Variants in DCC observed in about 807,000 individuals in gnomAD.
The protein encoded by DCC is DCC netrin 1 receptor.
In DCC, 58 loss-of-function variants were observed where a neutral mutation model predicts 172.5. The ratio of observed to expected loss-of-function variants is 0.34; its 90% CI spans 0.27 to 0.42. DCC has a LOEUF of 0.42. Among genes scored for constraint, DCC ranks in the 10% least tolerant of loss-of-function variants. DCC has a pLI of 1.00. For synonymous variants in DCC, 709 were observed against 644.5 expected (o/e 1.10, Z -1.52); for missense variants, 1,740 against 1,791.0 (o/e 0.97, Z 0.51).
intron 1 of DCC, among the ~76,000 whole-genome samples, chr18:52,637,196 G>A (rs544887916): frequency 2.6e-5 from 4 of 152,244 alleles, no homozygotes; most frequent in African/African-American, 9.6e-5. Flanking sequence ...CCTTCCCTCT[G>A]ACAGAGCATA....
intron 2 of DCC, among the ~76,000 whole-genome samples, chr18:52,782,690 T>C (rs533879549): frequency 6.6e-6 from 1 of 152,142 alleles, no homozygotes; most frequent in South Asian, 2.1e-4. Flanking sequence ...TGTGACTGGC[T>C]GAACCTGGAT....
At chr18:52,804,340 A>G (rs924602761) in intron 2 of DCC, among the ~76,000 whole-genome samples, 1 of 152,192 alleles carries the variant, frequency 6.6e-6, no homozygotes, top group Non-Finnish European at 1.5e-5. Context: ...TGTAAATAAC[A>G]GAAAAGGTCC....
At chr18:52,600,696 T>C (rs2144816080) in intron 1 of DCC, among the ~76,000 whole-genome samples, 1 of 148,248 alleles carries the variant, frequency 6.7e-6, no homozygotes, top group South Asian at 2.2e-4. Flanking sequence ...TTTGTAATTT[T>C]CTCCTTAAAA....
At chr18:52,666,655 C>T (rs898174894) in intron 1 of DCC, among the ~76,000 whole-genome samples, 1 of 152,036 alleles carries the variant, frequency 6.6e-6, no homozygotes, top group African/African-American at 2.4e-5. Flanking sequence ...AGTACTTTGG[C>T]TCAATTCAGA....
chr18:53,103,151 G>A lies in DCC; in HGVS notation c.1261+36985G>A, dbSNP rs746295738. 5.9e-5 allele frequency among the ~76,000 whole-genome samples: 9 copies of A among 151,970 alleles called. No homozygotes were observed. In the East Asian group the frequency reaches 1.2e-3, roughly 20 times the overall value. ...AGGATATATCACCATGCAAAATTCCGTGGTATACAAAAACTCAAGAATCAT... is the reference window on the plus strand; with the variant it reads ...AGGATATATCACCATGCAAAATTCCATGGTATACAAAAACTCAAGAATCAT... On this transcript the variant is annotated intron_variant, in intron 7 of 28. Transcript: ENST00000442544.
chr18:52,856,152 A>G (rs1180851269), intron 2 of DCC, among the ~76,000 whole-genome samples: 3 of 152,220 alleles, frequency 2.0e-5, no homozygotes, highest in Non-Finnish European at 1.5e-5. Flanking sequence ...CCTTGTTTAA[A>G]TAATTTAAGT....
chr18:53,471,596 T>G (rs1239832621), intron 25 of DCC, among the ~76,000 whole-genome samples: 1 of 152,194 alleles, frequency 6.6e-6, no homozygotes, highest in Non-Finnish European at 1.5e-5. Context: ...ATCCCTCACT[T>G]TATCTCCTAT....
chr18:52,485,127 T>C (rs980782244), intron 1 of DCC, among the ~76,000 whole-genome samples: 2 of 152,152 alleles, frequency 1.3e-5, no homozygotes, highest in African/African-American at 2.4e-5. Flanking sequence ...ATCTCTTTCA[T>C]AACATGACAT....
intron 7 of DCC, among the ~76,000 whole-genome samples, chr18:53,115,218 T>C (rs747538716): frequency 1.3e-5 from 2 of 151,640 alleles, no homozygotes; most frequent in Non-Finnish European, 3.0e-5. Flanking sequence ...ATGATGGTTT[T>C]CTGAGGTGTG....
chr18:52,909,947 G>T (rs529434972), intron 3 of DCC, among the ~76,000 whole-genome samples: 1 of 152,240 alleles, frequency 6.6e-6, no homozygotes, highest in East Asian at 1.9e-4. Flanking sequence ...AAAAAGAGCA[G>T]CACGTGAAAA....
chr18:53,118,242 A>C (rs1285936124), intron 7 of DCC, among the ~76,000 whole-genome samples: 1 of 151,836 alleles, frequency 6.6e-6, no homozygotes, highest in Non-Finnish European at 1.5e-5. Flanking sequence ...TCTTATAGGC[A>C]ATATTATCTT....
At chr18:53,284,966 A>G (rs2144735868) in intron 12 of DCC, among the ~76,000 whole-genome samples, 1 of 152,274 alleles carries the variant, frequency 6.6e-6, no homozygotes, top group South Asian at 2.1e-4. Context: ...TGAACTTGAG[A>G]GAGATGATTT....
intron 5 of DCC, among the ~76,000 whole-genome samples, chr18:52,980,639 CAAA>C (rs1209751148): frequency 1.3e-5 from 2 of 151,740 alleles, no homozygotes; most frequent in African/African-American, 4.8e-5. Context: ...ATTTTCATAG[CAAA>C]AAATTTTATA....
chr18:52,518,803 C>A (rs1477590666), intron 1 of DCC, among the ~76,000 whole-genome samples: 2 of 152,262 alleles, frequency 1.3e-5, no homozygotes, highest in Middle Eastern at 3.4e-3. Context: ...AATGACTGGA[C>A]CCCTATGGTG....
At chr18:53,174,047 A>G (rs1323713430) in intron 8 of DCC, among the ~76,000 whole-genome samples, 5 of 103,760 alleles carry the variant, frequency 4.8e-5, no homozygotes, top group African/African-American at 2.0e-4. Context: ...GCTCAACTAC[A>G]TGGAAACTGA....
intron 18 of DCC, among the ~76,000 whole-genome samples, chr18:53,397,817 G>A (rs577245749): frequency 1.3e-5 from 2 of 151,920 alleles, no homozygotes; most frequent in South Asian, 4.2e-4. Context: ...TTCTCATTTT[G>A]AAAAAAAGAA....
chr18:53,386,438 G>C (rs1325904534), intron 16 of DCC, among the ~76,000 whole-genome samples: 1 of 152,132 alleles, frequency 6.6e-6, no homozygotes, highest in Non-Finnish European at 1.5e-5. Context: ...ATAGCATCAT[G>C]GTTTTGGTGC....
At chr18:52,671,103 G>A (rs147555366) in intron 1 of DCC, among the ~76,000 whole-genome samples, 3 of 152,270 alleles carry the variant, frequency 2.0e-5, no homozygotes, top group African/African-American at 7.2e-5. Flanking sequence ...AGTGACCCCT[G>A]CTGGGGAGGC....
intron 1 of DCC, among the ~76,000 whole-genome samples, chr18:52,421,290 A>C (rs974558729): frequency 6.6e-6 from 1 of 152,158 alleles, no homozygotes; most frequent in Non-Finnish European, 1.5e-5. Flanking sequence ...TGCGCAATCA[A>C]GATATGAAGG....
Sources: allele counts gnomAD v4.1 joint callset (sites outside exome capture counted in the v4.1 genomes callset), GRCh38; gene constraint gnomAD v4.1.1; transcripts MANE v1.5; gene names NCBI Gene and HGNC (gene_info 2026-07-23, HGNC 2026-07-21).